Variants in SNTG2 observed in about 807,000 individuals in gnomAD.
SNTG2 encodes syntrophin gamma 2.
SNTG2 carries 74 observed loss-of-function variants against 70.9 expected under a neutral mutation model. The ratio of observed to expected loss-of-function variants is 1.04; its 90% CI spans 0.86 to 1.27. The LOEUF (loss-of-function observed/expected upper bound fraction) is 1.27. SNTG2 is among the 50% of genes most tolerant of loss of function. SNTG2 has a pLI of 0.00. For synonymous variants in SNTG2, 278 were observed against 273.8 expected, an observed-to-expected ratio of 1.02 and a Z score of -0.15; for missense variants, 717 against 690.7, an observed-to-expected ratio of 1.04 and a Z score of -0.43.
At chr2:1,023,312 A>T (rs1660300792) in intron 1 of SNTG2, among the ~76,000 whole-genome samples, 2 of 152,024 alleles carry the variant, frequency 1.3e-5, no homozygotes, top group African/African-American at 4.8e-5. Flanking sequence ...CAGTAGAAGG[A>T]TGTGGCTCCA....
chr2:978,016 T>C (rs1330275278), intron 1 of SNTG2, among the ~76,000 whole-genome samples: 1 of 152,236 alleles, frequency 6.6e-6, no homozygotes, highest in Non-Finnish European at 1.5e-5. Context: ...TCAGTACTTC[T>C]CTTGTATATT....
intron 16 of SNTG2, among the ~76,000 whole-genome samples, chr2:1,333,919 A>T (rs1037524053): frequency 6.6e-6 from 1 of 152,232 alleles, no homozygotes; most frequent in Non-Finnish European, 1.5e-5. Context: ...AGCAAATGCA[A>T]CAAAAAGCAA....
chr2:1,322,960 A>G (rs1681599108), intron 16 of SNTG2, among the ~76,000 whole-genome samples: 1 of 152,174 alleles, frequency 6.6e-6, no homozygotes, highest in Non-Finnish European at 1.5e-5. Context: ...CATAGGGCAC[A>G]TTCACTTTGT....
chr2:1,066,934 C>G (rs534831974), intron 1 of SNTG2, among the ~76,000 whole-genome samples: 2 of 152,274 alleles, frequency 1.3e-5, no homozygotes, highest in South Asian at 4.1e-4. Flanking sequence ...AAGCTCTCAT[C>G]TCCTCTGCAA....
At chr2:1,298,696 G>A (rs920887014) in intron 14 of SNTG2, among the ~76,000 whole-genome samples, 6 of 152,154 alleles carry the variant, frequency 3.9e-5, no homozygotes, top group African/African-American at 1.4e-4. Context: ...GGTTGATACT[G>A]AGTGTCAACT....
intron 14 of SNTG2, among the ~76,000 whole-genome samples, chr2:1,272,725 AGCGG>A (rs1679099560): frequency 8.3e-6 from 1 of 120,934 alleles, no homozygotes; most frequent in Non-Finnish European, 1.7e-5. Context: ...CACCCCAGGG[AGCGG>A]GTGCAGAAAG....
intron 4 of SNTG2, among the ~76,000 whole-genome samples, chr2:1,121,459 G>GT (rs112512917): frequency 0.14 from 20,635 of 151,760 alleles, 1,436 homozygotes; most frequent in Admixed American, 0.16. Context: ...ACTAAGAATT[G>GT]TTTTTAAAAA....
At chr2:1,172,209 G>A (rs1671172025) in intron 7 of SNTG2, among the ~76,000 whole-genome samples, 1 of 152,078 alleles carries the variant, frequency 6.6e-6, no homozygotes, top group Non-Finnish European at 1.5e-5. Flanking sequence ...CTCTTTCCAG[G>A]CACTCAGGTG....
intron 13 of SNTG2, among the ~76,000 whole-genome samples, chr2:1,265,419 CACAT>C (rs969398846): frequency 7.9e-5 from 12 of 152,232 alleles, no homozygotes; most frequent in African/African-American, 2.9e-4. Flanking sequence ...CTCATGTGCA[CACAT>C]ACACACACAC....
At chr2:1,225,475 C>T (rs1016214564) in intron 9 of SNTG2, among the ~76,000 whole-genome samples, 1 of 152,194 alleles carries the variant, frequency 6.6e-6, no homozygotes, top group African/African-American at 2.4e-5. Flanking sequence ...GTAAAGTAAG[C>T]CGCAGAAAAG....
chr2:1,331,019 A>G (rs960966024), intron 16 of SNTG2, among the ~76,000 whole-genome samples: 7 of 152,142 alleles, frequency 4.6e-5, no homozygotes, highest in African/African-American at 7.2e-5. Context: ...GTGTTTCAGA[A>G]GCTCCCATCA....
intron 1 of SNTG2, among the ~76,000 whole-genome samples, chr2:1,051,385 G>C (rs1312108416): frequency 6.6e-6 from 1 of 152,132 alleles, no homozygotes; most frequent in African/African-American, 2.4e-5. Context: ...AGTTATGGAA[G>C]CTCTCTTATT....
intron 1 of SNTG2, among the ~76,000 whole-genome samples, chr2:979,996 T>C (rs956851962): frequency 6.6e-6 from 1 of 152,204 alleles, no homozygotes; most frequent in Non-Finnish European, 1.5e-5. Flanking sequence ...AGTAAATTTT[T>C]ATTCAAAATT....
intron 14 of SNTG2, among the ~76,000 whole-genome samples, chr2:1,272,731 TGCAGAAAGGACACCCCAGGGAGCGG>T: frequency 8.4e-6 from 1 of 118,722 alleles, no homozygotes; most frequent in Non-Finnish European, 1.8e-5. Context: ...AGGGAGCGGG[TGCAGAAAGGACACCCCAGGGAGCGG>T]GTGCAGAAAG....
rs76547919 is a variant in SNTG2, at chr2:1,361,138, T to C, written c.1489-6205T>C. ...TGCCTTCTGTGCTTCAGCCACTGGATTCAGATTCCATTGTCCCATCTGTGG... is the reference window on the plus strand; with the variant it reads ...TGCCTTCTGTGCTTCAGCCACTGGACTCAGATTCCATTGTCCCATCTGTGG... On this transcript the variant is annotated intron_variant, in intron 16 of 16. Transcript: ENST00000308624. Among the ~76,000 whole-genome samples the C allele has an allele frequency of 1.7e-3, 254 of 152,336 alleles. 3 individuals are homozygous for C. The East Asian group carries it at 0.046, about 27-fold the overall frequency.
chr2:953,453 G>C (rs1201216428), intron 1 of SNTG2, among the ~76,000 whole-genome samples: 3 of 152,216 alleles, frequency 2.0e-5, no homozygotes, highest in Non-Finnish European at 2.9e-5. Flanking sequence ...AAGCACGTTA[G>C]GTCATTTTAA....
chr2:1,367,415 G>A lies in SNTG2; in HGVS notation c.1561G>A (p.Val521Met), dbSNP rs35794615. Residue 521 changes from valine (V) to methionine (M), a missense_variant, in exon 17 of 17, where the codon GTG becomes ATG. Physicochemically the swap from Val to Met is conservative, Grantham distance 21. Transcript: ENST00000308624. ...HSFIAAKVASVDPGFMDSQSL... is the reference protein window; with the variant it reads ...HSFIAAKVASMDPGFMDSQSL... Reference sequence around the variant, plus strand: ...CTTCATAGCAGCCAAGGTGGCCTCCGTGGACCCCGGCTTCATGGACAGTCA... The same window carrying A: ...CTTCATAGCAGCCAAGGTGGCCTCCATGGACCCCGGCTTCATGGACAGTCA... 2.8e-5 allele frequency: 43 copies of A among 1,551,572 alleles called. No homozygotes were observed. Among genetic ancestry groups the A allele is most frequent in the African/African-American group, 4.1e-5 (3 of 73,022 alleles).
chr2:1,164,146 C>T lies in SNTG2; in HGVS notation c.412-1402C>T, dbSNP rs182783267. Among the ~76,000 whole-genome samples the T allele has an allele frequency of 6.1e-3, 918 of 151,674 alleles. 11 individuals carry two copies. Among genetic ancestry groups the T allele is most frequent in the Admixed American group, 9.5e-3 (144 of 15,202 alleles). On this transcript the variant is annotated intron_variant, in intron 6 of 16. Coordinates refer to ENST00000308624, the MANE Select transcript of SNTG2 (RefSeq NM_018968.4). ...GTAGAGGAGAGAGCAAGGTGGGCTA[C>T]GCCTGGCCTGGGAGGATGAAGTGAG...
intron 1 of SNTG2, chr2:1,059,113 G>C (rs1662646989): frequency 6.6e-6 from 1 of 152,248 alleles, no homozygotes; most frequent in Admixed American, 6.5e-5. Flanking sequence ...TCTTTGAACT[G>C]CATTGCCCAC....
Sources: gnomAD v4.1 joint callset for allele counts (sites outside exome capture counted in the v4.1 genomes callset) on GRCh38, gnomAD v4.1.1 for gene constraint, MANE v1.5 for transcripts, NCBI Gene and HGNC (gene_info 2026-07-23, HGNC 2026-07-21) for gene names.